Variants in MRTFA observed in about 807,000 individuals in gnomAD.
The protein encoded by MRTFA is myocardin related transcription factor A, also known as myocardin-related transcription factor A.
MRTFA carries 20 observed loss-of-function variants against 83.5 expected under a neutral mutation model. The ratio of observed to expected loss-of-function variants is 0.24; its 90% CI spans 0.17 to 0.35. The LOEUF is 0.35. Among genes scored for constraint, MRTFA ranks in the 10% least tolerant of loss-of-function variants. The pLI is 1.00. For synonymous variants in MRTFA, 659 were observed against 541.2 expected (o/e 1.22, Z -3.02); for missense variants, 1,200 against 1,224.7 (o/e 0.98, Z 0.30).
intron 3 of MRTFA, among the ~76,000 whole-genome samples, chr22:40,539,013 G>C (rs111226240): frequency 0.051 from 901 of 17,810 alleles, 20 homozygotes; most frequent in Middle Eastern, 0.24. Context: ...TTTTTTTTTT[G>C]AGACAAAGTC....
At chr22:40,500,372 T>G (rs1377496258) in intron 3 of MRTFA, among the ~76,000 whole-genome samples, 1 of 150,270 alleles carries the variant, frequency 6.7e-6, no homozygotes, top group Non-Finnish European at 1.5e-5. Context: ...ATTTCATTTT[T>G]TATTTTTTTT....
chr22:40,614,138 G>A (rs767713214), intron 1 of MRTFA, among the ~76,000 whole-genome samples: 3 of 151,752 alleles, frequency 2.0e-5, no homozygotes, highest in Non-Finnish European at 4.4e-5. Context: ...GGCGGCAGAG[G>A]TTGCAGTAAG....
chr22:40,613,762 T>C (rs1384903094), intron 1 of MRTFA, among the ~76,000 whole-genome samples: 1 of 151,766 alleles, frequency 6.6e-6, no homozygotes, highest in Non-Finnish European at 1.5e-5. Flanking sequence ...ACCCAAAAAA[T>C]AGCCAGGCGT....
intron 3 of MRTFA, among the ~76,000 whole-genome samples, chr22:40,500,156 C>T (rs2054434445): frequency 6.6e-6 from 1 of 150,816 alleles, no homozygotes; most frequent in Non-Finnish European, 1.5e-5. Flanking sequence ...GTCTCGAACT[C>T]CTGATCTTGT....
In MRTFA at chr22:40,629,140, T is replaced by A. The variant is rs117664200; in HGVS notation, c.-84+7338A>T. On this transcript the variant is annotated intron_variant, in intron 1 of 14. Transcript: ENST00000355630. ...TCTCTTCTCTTCTCTACAAAAAAAA[T>A]TTTTTAAATTAGCCAAGCAGAGGCT... Among the ~76,000 whole-genome samples the A allele has an allele frequency of 1.9e-3, 293 of 151,710 alleles. 7 individuals are homozygous for A. The East Asian group carries it at 0.05, about 26-fold the overall frequency.
Position 40,463,213 on chromosome 22 carries a change from G to A in MRTFA, c.307+8C>T. ...ATCTACCAAATGCTGAGAGAGAGAGGCACTTACGCGGCATGATCCCTTGGC... is the reference window on the plus strand; with the variant it reads ...ATCTACCAAATGCTGAGAGAGAGAGACACTTACGCGGCATGATCCCTTGGC... On this transcript the variant is annotated splice_region_variant and intron_variant, in intron 4 of 14. Transcript: ENST00000355630. 1 of 1,613,002 alleles carries A rather than the reference G, an allele frequency of 6.2e-7. No homozygotes were observed. The highest frequency in any genetic ancestry group is 8.5e-7 in the Non-Finnish European group (1 of 1,179,224).
intron 3 of MRTFA, among the ~76,000 whole-genome samples, chr22:40,508,509 C>T (rs5750951): frequency 1.0e-5 from 1 of 99,400 alleles, no homozygotes; most frequent in African/African-American, 4.0e-5. Flanking sequence ...CAGACTCCGT[C>T]TCTCAAAAAA....
At chr22:40,599,017 C>A (rs929915271) in intron 1 of MRTFA, among the ~76,000 whole-genome samples, 4 of 135,916 alleles carry the variant, frequency 2.9e-5, no homozygotes, top group East Asian at 2.5e-4. Context: ...AAAAAAAAAA[C>A]CTGGGCGTGG....
intron 3 of MRTFA, among the ~76,000 whole-genome samples, chr22:40,465,546 C>T (rs1173594721): frequency 6.6e-6 from 1 of 152,068 alleles, no homozygotes; most frequent in Non-Finnish European, 1.5e-5. Flanking sequence ...TCCTAACAGC[C>T]ATATGAAGAT....
chr22:40,495,308 C>T (rs1036905070), intron 3 of MRTFA, among the ~76,000 whole-genome samples: 1 of 152,000 alleles, frequency 6.6e-6, no homozygotes, highest in African/African-American at 2.4e-5. Context: ...AAAAATTAGC[C>T]AGGTGTGGTG....
chr22:40,599,510 T>C (rs566330955), intron 1 of MRTFA, among the ~76,000 whole-genome samples: 119 of 152,226 alleles, frequency 7.8e-4, no homozygotes, highest in African/African-American at 2.8e-3. Flanking sequence ...AAAAAAGCAA[T>C]TTCATAGAAT....
At chr22:40,495,674 G>A (rs554735219) in intron 3 of MRTFA, among the ~76,000 whole-genome samples, 5 of 142,510 alleles carry the variant, frequency 3.5e-5, no homozygotes, top group Admixed American at 7.1e-5. Context: ...CAGGAGAGTC[G>A]CTTGAACCGG....
intron 3 of MRTFA, among the ~76,000 whole-genome samples, chr22:40,539,320 G>A (rs1341262591): frequency 6.7e-6 from 1 of 149,856 alleles, no homozygotes; most frequent in Non-Finnish European, 1.5e-5. Flanking sequence ...TTGTTTAACA[G>A]TTTTGGCAGT....
intron 2 of MRTFA, among the ~76,000 whole-genome samples, chr22:40,561,291 C>CTA (rs1246716985): frequency 4.0e-5 from 6 of 151,460 alleles, no homozygotes; most frequent in Admixed American, 1.3e-4. Flanking sequence ...TGATAGCTTA[C>CTA]TATATATGTA....
chr22:40,457,488 A>AAGAAAGAAAGAG (rs55710929), intron 4 of MRTFA, among the ~76,000 whole-genome samples: 1 of 126,596 alleles, frequency 7.9e-6, no homozygotes, highest in Non-Finnish European at 1.8e-5. Context: ...GAAAGAAAGA[A>AAGAAAGAAAGAG]GGAAAGAAAG....
intron 13 of MRTFA, 92 bp from the exon 14 acceptor site, chr22:40,417,138 G>T: frequency 1.4e-6 from 2 of 1,451,662 alleles, no homozygotes; most frequent in Non-Finnish European, 1.9e-6. Flanking sequence ...CTCTGCCCCA[G>T]AATAAGCAGC....
chr22:40,488,493 G>A (rs2147197011), intron 3 of MRTFA, among the ~76,000 whole-genome samples: 1 of 152,170 alleles, frequency 6.6e-6, no homozygotes, highest in South Asian at 2.1e-4. Context: ...GTCCAGCCTG[G>A]GCGACACGGT....
Position 40,417,418 on chromosome 22 carries a change from A to C in MRTFA, c.2440T>G (p.Phe814Val), listed in dbSNP as rs2052705690. ...TTCAGCAGAGAAGTGGGGGTCCCAA[A>C]GAGGGGCTGCAGTGGGTGCTCCAGG... The change falls in exon 13 of 15, where the codon TTT (phenylalanine) becomes GTT (valine). Residue 814 changes from phenylalanine (F) to valine (V), a missense_variant. By Grantham distance (50) the Phe-to-Val change is conservative. Coordinates refer to ENST00000355630, the MANE Select transcript of MRTFA (RefSeq NM_020831.6). The C allele has an allele frequency of 2.5e-6, 4 of 1,610,214 alleles. No homozygotes were observed. The highest frequency in any genetic ancestry group is 3.4e-6 in the Non-Finnish European group (4 of 1,179,236).
At chr22:40,441,654 G>A (rs2053276884) in intron 4 of MRTFA, among the ~76,000 whole-genome samples, 1 of 152,042 alleles carries the variant, frequency 6.6e-6, no homozygotes, top group African/African-American at 2.4e-5. Flanking sequence ...GGGCGTGGTG[G>A]TGCGCGCCTA....
Sources: allele counts gnomAD v4.1 joint callset (sites outside exome capture counted in the v4.1 genomes callset), GRCh38; gene constraint gnomAD v4.1.1; transcripts MANE v1.5; gene names NCBI Gene and HGNC (gene_info 2026-07-23, HGNC 2026-07-21).